Variants in FTO observed in about 807,000 individuals in gnomAD.
The protein encoded by FTO is alpha-ketoglutarate-dependent dioxygenase FTO.
A neutral mutation model predicts 63.9 loss-of-function variants in FTO; 47 were observed. That is an observed-to-expected ratio of 0.74 (90% confidence interval 0.58 to 0.94). FTO has a LOEUF of 0.94. Ranked by LOEUF, FTO falls within the 40% of genes least tolerant of loss-of-function variation. The probability of loss-of-function intolerance (pLI) is 0.00; values close to 1 mark genes in which losing one functional copy is unlikely to be tolerated. For synonymous variants in FTO, 207 were observed against 224.4 expected, an observed-to-expected ratio of 0.92 and a Z score of 0.69; for missense variants, 562 against 618.1, an observed-to-expected ratio of 0.91 and a Z score of 0.96.
chr16:54,021,576 G>A (rs1006579387), intron 8 of FTO, among the ~76,000 whole-genome samples: 6 of 152,070 alleles, frequency 3.9e-5, no homozygotes, highest in African/African-American at 9.7e-5. Flanking sequence ...TGCAACCTCC[G>A]CCTCCTGGGT....
chr16:54,064,170 T>A (rs558941997), intron 8 of FTO, among the ~76,000 whole-genome samples: 68 of 152,310 alleles, frequency 4.5e-4, no homozygotes, highest in African/African-American at 1.4e-3. Context: ...TTTAAACTAT[T>A]ATCACCACTG....
At chr16:53,912,589 G>A (rs7188162) in intron 7 of FTO, among the ~76,000 whole-genome samples, 133,035 of 152,148 alleles carry the variant, frequency 0.87, 58,497 homozygotes, top group East Asian at 1. Context: ...CCCACTCGCC[G>A]TAGAATCATC....
chr16:54,025,204 A>T (rs2084686410), intron 8 of FTO, among the ~76,000 whole-genome samples: 2 of 152,234 alleles, frequency 1.3e-5, no homozygotes, highest in Non-Finnish European at 2.9e-5. Flanking sequence ...CTATAAGGGG[A>T]AGAAATTTCC....
chr16:53,961,305 A>C (rs1277710116), intron 8 of FTO, among the ~76,000 whole-genome samples: 2 of 152,164 alleles, frequency 1.3e-5, no homozygotes, highest in African/African-American at 2.4e-5. Context: ...CTGCAGAGTC[A>C]TTTAGCCAGC....
intron 3 of FTO, among the ~76,000 whole-genome samples, chr16:53,835,233 G>T (rs1354604493): frequency 6.6e-6 from 1 of 152,152 alleles, no homozygotes; most frequent in Non-Finnish European, 1.5e-5. Flanking sequence ...TATGCCTGAT[G>T]CATGGGGATC....
intron 8 of FTO, among the ~76,000 whole-genome samples, chr16:54,019,322 A>G (rs2084533103): frequency 6.6e-6 from 1 of 152,218 alleles, no homozygotes; most frequent in South Asian, 2.1e-4. Context: ...GAATACCTGA[A>G]TAAAATAGAT....
At chr16:54,057,961 T>C (rs2085477023) in intron 8 of FTO, among the ~76,000 whole-genome samples, 1 of 152,160 alleles carries the variant, frequency 6.6e-6, no homozygotes, top group African/African-American at 2.4e-5. Context: ...CCTGCTATCA[T>C]GGCCCTTCTC....
At chr16:54,108,301 C>T (rs2086800775) in intron 8 of FTO, among the ~76,000 whole-genome samples, 1 of 152,190 alleles carries the variant, frequency 6.6e-6, no homozygotes, top group South Asian at 2.1e-4. Flanking sequence ...ATTTGGAAGG[C>T]CAGACGACAA....
At chr16:53,960,123 T>C (rs2083035662) in intron 8 of FTO, among the ~76,000 whole-genome samples, 1 of 152,166 alleles carries the variant, frequency 6.6e-6, no homozygotes, top group Non-Finnish European at 1.5e-5. Context: ...AGAATGACAG[T>C]CATACTTTGT....
At chr16:53,934,148 A>G (rs2082338255) in intron 8 of FTO, 39 bp downstream of exon 8, 1 of 1,611,458 alleles carries the variant, frequency 6.2e-7, no homozygotes, top group African/African-American at 1.3e-5. Context: ...TGTTCTTGAC[A>G]AACAAGAACT....
intron 8 of FTO, among the ~76,000 whole-genome samples, chr16:54,048,126 TAA>T (rs71380060): frequency 7.1e-5 from 4 of 56,466 alleles, no homozygotes; most frequent in African/African-American, 2.2e-4. Context: ...AAAAAAAAAT[TAA>T]AAAAAAAAAA....
intron 7 of FTO, among the ~76,000 whole-genome samples, chr16:53,897,382 G>A (rs2081301960): frequency 6.6e-6 from 1 of 151,994 alleles, no homozygotes; most frequent in Non-Finnish European, 1.5e-5. Flanking sequence ...TAAAAATCTG[G>A]AGTCTTCGGG....
intron 8 of FTO, among the ~76,000 whole-genome samples, chr16:54,082,362 A>C (rs771503320): frequency 6.6e-6 from 1 of 152,226 alleles, no homozygotes; most frequent in African/African-American, 2.4e-5. Context: ...CACCAATACC[A>C]AAGTTTTATA....
At chr16:53,944,414 C>T (rs1034316553) in intron 8 of FTO, among the ~76,000 whole-genome samples, 4 of 152,160 alleles carry the variant, frequency 2.6e-5, no homozygotes, top group Non-Finnish European at 5.9e-5. Flanking sequence ...CTATTTGTCT[C>T]AAAGCATGAG....
intron 4 of FTO, among the ~76,000 whole-genome samples, chr16:53,850,689 G>C (rs868499977): frequency 6.6e-6 from 1 of 151,662 alleles, no homozygotes; most frequent in African/African-American, 2.4e-5. Context: ...ATATATTTTT[G>C]TTTATTCCTT....
intron 8 of FTO, among the ~76,000 whole-genome samples, chr16:53,983,267 C>T (rs2083589067): frequency 6.6e-6 from 1 of 151,976 alleles, no homozygotes; most frequent in African/African-American, 2.4e-5. Flanking sequence ...AATAAATAAG[C>T]ATAGAATGTA....
At chr16:53,906,191 A>G (rs778363718) in intron 7 of FTO, among the ~76,000 whole-genome samples, 51 of 152,200 alleles carry the variant, frequency 3.4e-4, no homozygotes, top group Non-Finnish European at 7.1e-4. Context: ...AAAATTTTTC[A>G]TCAGTTAGGT....
At position 54,116,587 on chromosome 16, in the gene FTO, T is replaced by A. The variant is rs2086976452; in HGVS notation, c.*4672T>A. ...ACAGGCGTGTTGTGATGATTGCGGC[T>A]GTAGGGAAAGCCGGGCAGCTTGCAG... On this transcript the variant is annotated 3_prime_UTR_variant, in exon 9 of 9. Coordinates refer to ENST00000471389, the MANE Select transcript of FTO (RefSeq NM_001080432.3). The A allele has an allele frequency of 6.6e-6, 1 of 152,066 alleles. No individual in the cohort carries two copies. The highest frequency in any genetic ancestry group is 1.5e-5 in the Non-Finnish European group (1 of 68,032). The allele number at this position is 152,066 out of a possible 1,614,324, so 9.4% of individuals were successfully genotyped here.
chr16:53,938,378 G>A (rs990096205), intron 8 of FTO, among the ~76,000 whole-genome samples: 2 of 152,102 alleles, frequency 1.3e-5, no homozygotes, highest in Non-Finnish European at 2.9e-5. Context: ...TTTATTTATC[G>A]CTAATTGATA....
Sources: allele counts gnomAD v4.1 joint callset (sites outside exome capture counted in the v4.1 genomes callset), GRCh38; gene constraint gnomAD v4.1.1; transcripts MANE v1.5; gene names NCBI Gene and HGNC (gene_info 2026-07-23, HGNC 2026-07-21).